The following SUCLG1 variants were observed in gnomAD, a reference collection of about 807,000 sequenced individuals.
SUCLG1 encodes succinate--CoA ligase [ADP/GDP-forming] subunit alpha, mitochondrial.
SUCLG1 carries 26 observed loss-of-function variants against 37.3 expected under a neutral mutation model. That is an observed-to-expected ratio of 0.70 (90% CI 0.51 to 0.97). The LOEUF is 0.97. Ranked by LOEUF, SUCLG1 falls within the 50% of genes least tolerant of loss-of-function variation. SUCLG1 has a pLI of 0.00. For missense variants in SUCLG1, 433 were observed against 432.9 expected (o/e 1.00, Z 0.00); for synonymous variants, 163 against 155.6 (o/e 1.05, Z -0.36).
At position 84,443,078 on chromosome 2, in the gene SUCLG1, A is replaced by G. The variant is rs1457469860; in HGVS notation, c.318+206T>C. On this transcript the variant is annotated intron_variant, in intron 3 of 8. Transcript: ENST00000393868. ...TAAAAAGCCCAACAGAAGCCTGGCC[A>G]CAGTACTTCCTCCCTTAATAGCTGA... The G allele has an allele frequency of 5.1e-6, 3 of 584,170 alleles. No homozygotes were observed. In the African/African-American group the frequency reaches 5.6e-5, roughly 11 times the overall value. The allele number at this position is 584,170 out of a possible 1,614,324, so 36.2% of individuals were successfully genotyped here.
In SUCLG1 at chr2:84,459,170, C is replaced by T. The variant is rs786205871; in HGVS notation, c.97+3G>A. ...CCAGGAAGACAGTACTGGCTGGACT[C>T]ACGGAGGAAGCTGCGCGACAGGAGA... is the stretch of plus-strand genomic sequence containing the variant. On this transcript the variant is annotated splice_donor_region_variant and intron_variant, in intron 1 of 8. Coordinates refer to ENST00000393868, the MANE Select transcript of SUCLG1 (RefSeq NM_003849.4). 12 of 1,549,160 alleles carry T rather than the reference C, an allele frequency of 7.7e-6. No individual in the cohort carries two copies. The highest frequency in any genetic ancestry group is 1.7e-4 in the Middle Eastern group (1 of 6,004).
At chr2:84,440,290 T>C (rs1672748072) in intron 5 of SUCLG1, among the ~76,000 whole-genome samples, 1 of 152,134 alleles carries the variant, frequency 6.6e-6, no homozygotes, top group South Asian at 2.1e-4. Flanking sequence ...GGAGAATCAC[T>C]TGAACCTGGG....
intron 2 of SUCLG1, among the ~76,000 whole-genome samples, chr2:84,443,808 TG>T (rs1672809120): frequency 6.6e-6 from 1 of 151,890 alleles, no homozygotes; most frequent in South Asian, 2.1e-4. Context: ...AGCCTATACA[TG>T]TGCAGCCAAA....
intron 2 of SUCLG1, among the ~76,000 whole-genome samples, chr2:84,444,696 C>T (rs4832079): frequency 0.1 from 15,564 of 152,182 alleles, 1,045 homozygotes; most frequent in Non-Finnish European, 0.14. Flanking sequence ...GGGAGCACTA[C>T]GGGAGACTGG....
At chr2:84,433,229 C>A (rs767859032) in intron 6 of SUCLG1, 123 bp downstream of exon 6, 3 of 859,700 alleles carry the variant, frequency 3.5e-6, no homozygotes, top group Non-Finnish European at 5.7e-6. Flanking sequence ...AATTTGAGAT[C>A]GTAACATCCT....
intron 5 of SUCLG1, among the ~76,000 whole-genome samples, chr2:84,439,188 TTA>T (rs1041793291): frequency 1.0e-4 from 15 of 150,160 alleles, no homozygotes; most frequent in East Asian, 7.8e-4. Flanking sequence ...CTTCTTTTTT[TTA>T]AAAAAAAAAA....
Position 84,454,917 on chromosome 2 carries a change from A to G in SUCLG1, c.97+4256T>C, listed in dbSNP as rs1046477611. Among the ~76,000 whole-genome samples, 12 of 152,290 alleles carry G rather than the reference A, an allele frequency of 7.9e-5. 1 individual carries two copies. The Middle Eastern group carries it at 0.014, about 173-fold the overall frequency. On this transcript the variant is annotated intron_variant, in intron 1 of 8. Transcript: ENST00000393868. ...CAAGGCTCTATTCATGAAATACTCA[A>G]TACTCCTTCAACTCACCTCTCAAAC...
chr2:84,435,987 C>T (rs1014758769), intron 5 of SUCLG1, among the ~76,000 whole-genome samples: 1 of 152,210 alleles, frequency 6.6e-6, no homozygotes, highest in African/African-American at 2.4e-5. Context: ...TGTTGTGCAT[C>T]TCTTGGTTGA....
chr2:84,454,995 T>C (rs1672996543), intron 1 of SUCLG1, among the ~76,000 whole-genome samples: 1 of 152,160 alleles, frequency 6.6e-6, no homozygotes, highest in African/African-American at 2.4e-5. Context: ...TTAACAAATG[T>C]ACACTTATTA....
chr2:84,449,096 C>A (rs992003434), intron 2 of SUCLG1: 1 of 193,716 alleles, frequency 5.2e-6, no homozygotes, highest in Non-Finnish European at 1.2e-5. Flanking sequence ...AAATAAATGA[C>A]AACAAATTAA....
chr2:84,442,074 T>G (rs1352735437), intron 3 of SUCLG1, among the ~76,000 whole-genome samples: 1 of 151,386 alleles, frequency 6.6e-6, no homozygotes, highest in Non-Finnish European at 1.5e-5. Context: ...ATAAACAATA[T>G]CTGTCAAAAA....
intron 3 of SUCLG1, 81 bp from the exon 4 acceptor site, chr2:84,441,540 A>G: frequency 6.9e-7 from 1 of 1,457,144 alleles, no homozygotes; most frequent in Non-Finnish European, 9.4e-7. Flanking sequence ...TCATTTTAAT[A>G]ATGTCTTGGG....
chr2:84,434,092 C>A (rs752209827), intron 5 of SUCLG1, among the ~76,000 whole-genome samples: 2 of 152,120 alleles, frequency 1.3e-5, no homozygotes, highest in Non-Finnish European at 2.9e-5. Flanking sequence ...TGAGGCCTCA[C>A]CAGAAGCTGA....
intron 1 of SUCLG1, among the ~76,000 whole-genome samples, chr2:84,455,402 G>A (rs544995647): frequency 6.6e-6 from 1 of 152,260 alleles, no homozygotes; most frequent in South Asian, 2.1e-4. Flanking sequence ...GCTGAGGCAG[G>A]AGAATGGCTT....
intron 2 of SUCLG1, among the ~76,000 whole-genome samples, chr2:84,446,834 C>T (rs1268118801): frequency 6.6e-6 from 1 of 152,180 alleles, no homozygotes; most frequent in East Asian, 1.9e-4. Context: ...TATTGATCTA[C>T]ATTAGACTGA....
At chr2:84,438,624 T>C (rs1214982815) in intron 5 of SUCLG1, among the ~76,000 whole-genome samples, 1 of 152,116 alleles carries the variant, frequency 6.6e-6, no homozygotes, top group East Asian at 1.9e-4. Context: ...GGTACCAAAA[T>C]AGGAAGAGTT....
At chr2:84,458,734 C>G (rs934210107) in intron 1 of SUCLG1, among the ~76,000 whole-genome samples, 21 of 152,258 alleles carry the variant, frequency 1.4e-4, no homozygotes, top group African/African-American at 4.8e-4. Context: ...CTAGGGACAG[C>G]CTCATCCCCC....
intron 2 of SUCLG1, among the ~76,000 whole-genome samples, chr2:84,445,909 T>C (rs1477358208): frequency 2.6e-5 from 4 of 152,222 alleles, no homozygotes; most frequent in Admixed American, 2.6e-4. Context: ...CTCCATATAC[T>C]GGCCTACAAG....
chr2:84,437,555 G>A (rs892846402), intron 5 of SUCLG1, among the ~76,000 whole-genome samples: 1 of 152,226 alleles, frequency 6.6e-6, no homozygotes, highest in Non-Finnish European at 1.5e-5. Context: ...TGCTGGCAAG[G>A]CTGTAGAGAA....
Sources: gnomAD v4.1 joint callset for allele counts (sites outside exome capture counted in the v4.1 genomes callset) on GRCh38, gnomAD v4.1.1 for gene constraint, MANE v1.5 for transcripts, NCBI Gene and HGNC (gene_info 2026-07-23, HGNC 2026-07-21) for gene names.